Variants in HDAC9 observed in about 807,000 individuals in gnomAD.
The protein encoded by HDAC9 is histone deacetylase 9, also known as MEF-2 interacting transcription repressor (MITR) protein.
A neutral mutation model predicts 139.4 loss-of-function variants in HDAC9; 41 were observed. The ratio of observed to expected loss-of-function variants is 0.29; its 90% CI spans 0.23 to 0.38. The LOEUF (loss-of-function observed/expected upper bound fraction) is 0.38, where lower values mean the gene tolerates loss of function less well. Among genes scored for constraint, HDAC9 ranks in the 10% least tolerant of loss-of-function variants. The pLI is 1.00. For missense variants in HDAC9, 1,147 were observed against 1,297.0 expected, an observed-to-expected ratio of 0.88 and a Z score of 1.78; for synonymous variants, 517 against 476.2, an observed-to-expected ratio of 1.09 and a Z score of -1.12.
intron 1 of HDAC9, among the ~76,000 whole-genome samples, chr7:18,329,384 A>G (rs925014965): frequency 1.3e-5 from 2 of 152,000 alleles, no homozygotes; most frequent in Middle Eastern, 3.4e-3. Context: ...ATCTTTCTAC[A>G]ATGTATAACA....
chr7:18,885,150 T>C (rs1016710685), intron 22 of HDAC9, among the ~76,000 whole-genome samples: 1 of 152,238 alleles, frequency 6.6e-6, no homozygotes, highest in African/African-American at 2.4e-5. Flanking sequence ...GAGGGCAATG[T>C]GGTCGTAAGG....
intron 23 of HDAC9, among the ~76,000 whole-genome samples, chr7:18,952,719 A>G (rs1454750042): frequency 1.3e-5 from 2 of 151,982 alleles, no homozygotes; most frequent in African/African-American, 4.8e-5. Flanking sequence ...CATATTCTTG[A>G]AGATACAATT....
intron 1 of HDAC9, among the ~76,000 whole-genome samples, chr7:18,461,380 T>C (rs865895296): frequency 6.6e-6 from 1 of 152,204 alleles, no homozygotes. Context: ...TGGAAGTGTT[T>C]ATTGTAAAAT....
At chr7:18,382,137 A>G (rs750971690) in intron 1 of HDAC9, among the ~76,000 whole-genome samples, 19 of 152,210 alleles carry the variant, frequency 1.2e-4, no homozygotes, top group Admixed American at 5.2e-4. Flanking sequence ...TCCTTTAGGA[A>G]ATATCCAAAA....
At chr7:18,461,571 T>C (rs575810836) in intron 1 of HDAC9, among the ~76,000 whole-genome samples, 1 of 152,304 alleles carries the variant, frequency 6.6e-6, no homozygotes, top group East Asian at 1.9e-4. Flanking sequence ...TCTTTTTTAT[T>C]ATGTAAATAT....
At chr7:18,672,131 C>T (rs1263393080) in intron 12 of HDAC9, among the ~76,000 whole-genome samples, 1 of 151,928 alleles carries the variant, frequency 6.6e-6, no homozygotes, top group Non-Finnish European at 1.5e-5. Context: ...GAACTGTCAA[C>T]CTGTTTTCCA....
intron 11 of HDAC9, among the ~76,000 whole-genome samples, chr7:18,654,092 T>C (rs1354259449): frequency 1.3e-5 from 2 of 152,148 alleles, no homozygotes; most frequent in Non-Finnish European, 2.9e-5. Flanking sequence ...AGAAGGAGAT[T>C]AATTAGAAGA....
chr7:18,612,125 ATTTC>A (rs1271544052), intron 6 of HDAC9, among the ~76,000 whole-genome samples: 1 of 152,110 alleles, frequency 6.6e-6, no homozygotes, highest in Non-Finnish European at 1.5e-5. Flanking sequence ...AATCTCCTGT[ATTTC>A]TTAAGGGAAA....
At chr7:18,110,123 G>T (rs1783510406) in intron 1 of HDAC9, among the ~76,000 whole-genome samples, 1 of 152,154 alleles carries the variant, frequency 6.6e-6, no homozygotes, top group African/African-American at 2.4e-5. Context: ...GACTTTCAAG[G>T]TGAGTGGTTT....
intron 21 of HDAC9, among the ~76,000 whole-genome samples, 193 bp downstream of exon 21, chr7:18,836,190 C>T (rs1585126773): frequency 6.6e-6 from 1 of 152,232 alleles, no homozygotes; most frequent in South Asian, 2.1e-4. Flanking sequence ...GCCAATGGCC[C>T]ATTTTCCCCC....
intron 1 of HDAC9, among the ~76,000 whole-genome samples, chr7:18,448,142 C>G (rs374067604): frequency 2.6e-5 from 4 of 152,056 alleles, no homozygotes; most frequent in Non-Finnish European, 5.9e-5. Context: ...TGAGATTACG[C>G]GCGTGAGCCA....
At chr7:18,244,375 C>T (rs1399086626) in intron 2 of HDAC9, among the ~76,000 whole-genome samples, 1 of 152,204 alleles carries the variant, frequency 6.6e-6, no homozygotes, top group Non-Finnish European at 1.5e-5. Flanking sequence ...AAACAGATTT[C>T]CATTCATCTC....
At chr7:18,667,424 A>G (rs1584792109) in intron 12 of HDAC9, 1 of 984,186 alleles carries the variant, frequency 1.0e-6, no homozygotes, top group Non-Finnish European at 1.2e-6. Flanking sequence ...CCATAATGAC[A>G]TGGGCATATA....
intron 1 of HDAC9, among the ~76,000 whole-genome samples, chr7:18,463,242 G>A (rs1370443590): frequency 6.6e-6 from 1 of 151,810 alleles, no homozygotes; most frequent in African/African-American, 2.4e-5. Flanking sequence ...ATTAGAGTTG[G>A]CGCCAAGATA....
intron 2 of HDAC9, among the ~76,000 whole-genome samples, chr7:18,507,867 A>G (rs1231881064): frequency 1.3e-5 from 2 of 152,264 alleles, no homozygotes; most frequent in African/African-American, 4.8e-5. Flanking sequence ...GTATCTTAAA[A>G]GAAGTCAAGA....
At chr7:18,746,561 T>C (rs1787993930) in intron 13 of HDAC9, among the ~76,000 whole-genome samples, 1 of 152,170 alleles carries the variant, frequency 6.6e-6, no homozygotes, top group Non-Finnish European at 1.5e-5. Flanking sequence ...ATAAGGGACA[T>C]AAAATAAAAG....
At chr7:18,917,733 C>T (rs756299321) in intron 22 of HDAC9, among the ~76,000 whole-genome samples, 10 of 151,830 alleles carry the variant, frequency 6.6e-5, no homozygotes, top group Non-Finnish European at 2.9e-5. Context: ...TTACTATCCC[C>T]GATTTATTGA....
chr7:18,951,554 A>C lies in HDAC9; in HGVS notation c.2938-2592A>C, dbSNP rs149809228. Among the ~76,000 whole-genome samples the C allele has an allele frequency of 2.1e-3, 319 of 151,932 alleles. 5 individuals are homozygous for C. In the East Asian group the frequency reaches 0.052, roughly 25 times the overall value. On this transcript the variant is annotated intron_variant, in intron 23 of 25. Coordinates refer to ENST00000686413, the MANE Select transcript of HDAC9 (RefSeq NM_178425.4). ...TATTTCCTACATTTGCATCTGCTTC[A>C]TCTTTCTGTAACTTTTGCATGCAAA...
intron 24 of HDAC9, among the ~76,000 whole-genome samples, chr7:18,970,982 C>T (rs1219842032): frequency 1.3e-5 from 2 of 152,074 alleles, no homozygotes; most frequent in Non-Finnish European, 2.9e-5. Flanking sequence ...CAACAACTGC[C>T]TATTTTTCCA....
Sources: gnomAD v4.1 joint callset for allele counts (sites outside exome capture counted in the v4.1 genomes callset) on GRCh38, gnomAD v4.1.1 for gene constraint, MANE v1.5 for transcripts, NCBI Gene and HGNC (gene_info 2026-07-23, HGNC 2026-07-21) for gene names.